The following ARHGAP6 variants were observed in gnomAD, a reference collection of about 807,000 sequenced individuals.
ARHGAP6 encodes Rho GTPase activating protein 6.
In ARHGAP6, 16 loss-of-function variants were observed where a neutral mutation model predicts 55.7. The observed-to-expected ratio is 0.29, with a 90% CI of 0.19 to 0.44. ARHGAP6 has a LOEUF of 0.44. Among genes scored for constraint, ARHGAP6 ranks in the 20% least tolerant of loss-of-function variants. The pLI is 1.00. For synonymous variants in ARHGAP6, 382 were observed against 360.9 expected, an observed-to-expected ratio of 1.06 and a Z score of -0.66; for missense variants, 698 against 808.9, an observed-to-expected ratio of 0.86 and a Z score of 1.66.
intron 2 of ARHGAP6, among the ~76,000 whole-genome samples, chrX:11,251,815 C>G (rs2047427695): frequency 8.9e-6 from 1 of 111,737 alleles, no homozygotes; most frequent in South Asian, 3.7e-4. Flanking sequence ...GAGCTTGCCA[C>G]CAGCCACACA....
At chrX:11,173,485 C>T (rs1048797460) in intron 8 of ARHGAP6, among the ~76,000 whole-genome samples, 1 of 112,297 alleles carries the variant, frequency 8.9e-6, no homozygotes. Context: ...TGAAAAACCA[C>T]TGCTCAGGAG....
At position 11,174,573 on chromosome X, in the gene ARHGAP6, C is replaced by CTTTTT. The variant is rs1555964685; in HGVS notation, c.1629+3526_1629+3527insAAAAA. Among the ~76,000 whole-genome samples, 412 of 42,173 alleles carry CTTTTT rather than the reference C, an allele frequency of 9.8e-3. 10 individuals are homozygous for CTTTTT. Among genetic ancestry groups the CTTTTT allele is most frequent in the African/African-American group, 0.018 (186 of 10,339 alleles). The allele number at this position is 42,173 out of a possible 115,157, so 36.6% of individuals were successfully genotyped here. ...TCCTTCCTTCCTTCCTTCCTTCCTT[C>CTTTTT]CTTTCTTTCTTTCTTTCTTTTTCTT... On this transcript the variant is annotated intron_variant, in intron 8 of 12. Transcript: ENST00000337414.
chrX:11,210,178 C>T (rs185796982), intron 2 of ARHGAP6, among the ~76,000 whole-genome samples: 99 of 112,580 alleles, frequency 8.8e-4, no homozygotes, highest in African/African-American at 3.0e-3. Flanking sequence ...GGCCGATAAA[C>T]GGGTGGCTCT....
At chrX:11,561,958 TACC>T (rs912628496) in intron 1 of ARHGAP6, among the ~76,000 whole-genome samples, 1 of 111,977 alleles carries the variant, frequency 8.9e-6, no homozygotes, top group Admixed American at 9.5e-5. Flanking sequence ...ACTGTGGGCC[TACC>T]ACAGAAGCTG....
At chrX:11,197,659 T>C (rs1039880644) in intron 2 of ARHGAP6, among the ~76,000 whole-genome samples, 3 of 112,488 alleles carry the variant, frequency 2.7e-5, no homozygotes, top group Admixed American at 1.9e-4. Flanking sequence ...CATTCCTCCA[T>C]TGATGAACAT....
chrX:11,544,645 G>T (rs1041755428), intron 1 of ARHGAP6, among the ~76,000 whole-genome samples: 1 of 111,603 alleles, frequency 9.0e-6, no homozygotes, highest in African/African-American at 3.3e-5. Context: ...TTCAAGCAAG[G>T]GTCAATCTCA....
chrX:11,219,133 C>A (rs1240496879), intron 2 of ARHGAP6, among the ~76,000 whole-genome samples: 1 of 93,176 alleles, frequency 1.1e-5, no homozygotes, highest in South Asian at 6.0e-4. Context: ...TGAGAATATG[C>A]GGTGTTTGGT....
At chrX:11,294,886 A>G in intron 1 of ARHGAP6, 1 of 1,185,650 alleles carries the variant, frequency 8.4e-7, no homozygotes, top group Non-Finnish European at 1.1e-6. Flanking sequence ...CAATTTCACA[A>G]ACTTGGACAT....
At chrX:11,312,901 C>T (rs1157529381) in intron 1 of ARHGAP6, among the ~76,000 whole-genome samples, 1 of 111,615 alleles carries the variant, frequency 9.0e-6, no homozygotes, top group African/African-American at 3.3e-5. Flanking sequence ...CAGCCCCCAT[C>T]ACATTTCTCC....
At chrX:11,567,566 A>AATATATATATATATATATATATATAT (rs1556078452) in intron 1 of ARHGAP6, among the ~76,000 whole-genome samples, 4 of 84,395 alleles carry the variant, frequency 4.7e-5, no homozygotes, top group African/African-American at 4.7e-5. Context: ...AAAAAAAAAA[A>AATATATATATATATATATATATATAT]ATATATATAT....
intron 1 of ARHGAP6, among the ~76,000 whole-genome samples, chrX:11,614,559 C>A (rs1029850126): frequency 8.0e-5 from 9 of 111,909 alleles, no homozygotes; most frequent in African/African-American, 2.9e-4. Context: ...GATCCAATCG[C>A]TTTCCACCAG....
intron 1 of ARHGAP6, among the ~76,000 whole-genome samples, chrX:11,572,480 T>C (rs1025603616): frequency 9.0e-6 from 1 of 111,046 alleles, no homozygotes; most frequent in African/African-American, 3.3e-5. Context: ...AGAATGATGA[T>C]TTCCAATTTC....
intron 2 of ARHGAP6, among the ~76,000 whole-genome samples, chrX:11,236,690 A>T (rs1172116028): frequency 8.9e-6 from 1 of 112,634 alleles, no homozygotes; most frequent in African/African-American, 3.2e-5. Context: ...ATCCATTGGG[A>T]TAGCATTTTG....
At chrX:11,331,054 A>G (rs2048557496) in intron 1 of ARHGAP6, among the ~76,000 whole-genome samples, 1 of 111,903 alleles carries the variant, frequency 8.9e-6, no homozygotes, top group South Asian at 3.7e-4. Flanking sequence ...TGGAAACTAG[A>G]ATCCCTTTTC....
intron 5 of ARHGAP6, among the ~76,000 whole-genome samples, chrX:11,183,904 A>C (rs5979380): frequency 0.19 from 20,835 of 111,467 alleles, 1,487 homozygotes; most frequent in Middle Eastern, 0.28. Context: ...GTCATTGATC[A>C]TTGCCATTGA....
intron 1 of ARHGAP6, among the ~76,000 whole-genome samples, chrX:11,375,242 C>T (rs1211934847): frequency 1.8e-5 from 2 of 112,132 alleles, no homozygotes; most frequent in African/African-American, 6.5e-5. Context: ...GTTTTACACA[C>T]ATTATGCCAT....
At chrX:11,539,180 C>T (rs1410838675) in intron 1 of ARHGAP6, among the ~76,000 whole-genome samples, 3 of 111,198 alleles carry the variant, frequency 2.7e-5, no homozygotes, top group African/African-American at 9.8e-5. Context: ...TTAAAATGTT[C>T]AACAGCATCC....
At chrX:11,149,202 T>A (rs1236309859) in intron 10 of ARHGAP6, among the ~76,000 whole-genome samples, 3 of 111,827 alleles carry the variant, frequency 2.7e-5, no homozygotes, top group African/African-American at 9.8e-5. Context: ...CAGACAGTGT[T>A]GTTTTCATTA....
intron 1 of ARHGAP6, among the ~76,000 whole-genome samples, chrX:11,574,740 A>G (rs983263374): frequency 5.6e-5 from 6 of 107,516 alleles, no homozygotes; most frequent in African/African-American, 2.0e-4. Context: ...ATTAGGCAGG[A>G]GAAGGAAATA....
Sources: allele counts gnomAD v4.1 joint callset (sites outside exome capture counted in the v4.1 genomes callset), GRCh38; gene constraint gnomAD v4.1.1; transcripts MANE v1.5; gene names NCBI Gene and HGNC (gene_info 2026-07-23, HGNC 2026-07-21).